ERBB4: variants seen among roughly 807,000 people sequenced by gnomAD.
The protein encoded by ERBB4 is erb-b2 receptor tyrosine kinase 4, also known as receptor tyrosine-protein kinase erbB-4.
A neutral mutation model predicts 158.0 loss-of-function variants in ERBB4; 42 were observed. The ratio of observed to expected loss-of-function variants is 0.27; its 90% CI spans 0.21 to 0.34. The LOEUF is 0.34. Ranked by LOEUF, ERBB4 falls within the 10% of genes least tolerant of loss-of-function variation. ERBB4 has a pLI of 1.00. For synonymous variants in ERBB4, 583 were observed against 558.7 expected, an observed-to-expected ratio of 1.04 and a Z score of -0.61; for missense variants, 1,333 against 1,624.1, an observed-to-expected ratio of 0.82 and a Z score of 3.08.
At chr2:211,467,303 T>C (rs747765872) in intron 20 of ERBB4, among the ~76,000 whole-genome samples, 7 of 152,154 alleles carry the variant, frequency 4.6e-5, no homozygotes, top group Admixed American at 2.0e-4. Flanking sequence ...CACCCATCAG[T>C]TTCTTTATCT....
At chr2:211,688,942 T>C (rs1356267924) in intron 12 of ERBB4, among the ~76,000 whole-genome samples, 1 of 152,130 alleles carries the variant, frequency 6.6e-6, no homozygotes, top group Non-Finnish European at 1.5e-5. Flanking sequence ...TTTACTTAAT[T>C]GTGGTTTTCT....
Position 211,381,921 on chromosome 2 carries a change from T to C in ERBB4, c.*1694A>G. The C allele has an allele frequency of 4.4e-6, 1 of 229,704 alleles. No homozygotes were observed. The highest frequency in any genetic ancestry group is 8.6e-6 in the Non-Finnish European group (1 of 115,860). 14.2% of individuals were successfully genotyped at this position (229,704 alleles called of 1,614,324 possible). ...TCCTAATTATTGATGTGAGGCCCCC[T>C]TTACTTGGAGACTCATCTCTGTCAT... On this transcript the variant is annotated 3_prime_UTR_variant, in exon 28 of 28. Transcript: ENST00000342788.
At chr2:212,008,455 A>T (rs2076305831) in intron 2 of ERBB4, among the ~76,000 whole-genome samples, 1 of 152,098 alleles carries the variant, frequency 6.6e-6, no homozygotes, top group South Asian at 2.1e-4. Context: ...TATGTTTCTC[A>T]CCCTTGATGA....
At chr2:212,518,737 A>G (rs1342118067) in intron 1 of ERBB4, among the ~76,000 whole-genome samples, 2 of 152,032 alleles carry the variant, frequency 1.3e-5, no homozygotes, top group African/African-American at 2.4e-5. Flanking sequence ...GAGTTAAAAT[A>G]CAGGAACGGG....
At chr2:211,648,106 G>T (rs73988630) in intron 16 of ERBB4, among the ~76,000 whole-genome samples, 3,489 of 151,888 alleles carry the variant, frequency 0.023, 154 homozygotes, top group African/African-American at 0.08. Context: ...ATATTTATTT[G>T]CCTATGCAAA....
chr2:212,127,388 C>T (rs4672639), intron 1 of ERBB4, among the ~76,000 whole-genome samples: 7 of 151,910 alleles, frequency 4.6e-5, no homozygotes, highest in Non-Finnish European at 5.9e-5. Context: ...GTCAGGAGAT[C>T]GAGACCATCC....
chr2:212,409,251 T>A (rs915041537), intron 1 of ERBB4, among the ~76,000 whole-genome samples: 7 of 152,154 alleles, frequency 4.6e-5, no homozygotes, highest in Non-Finnish European at 8.8e-5. Flanking sequence ...CTTCTCTACC[T>A]ACTTGTCCAT....
intron 2 of ERBB4, among the ~76,000 whole-genome samples, chr2:212,060,235 A>T (rs2077717656): frequency 6.6e-6 from 1 of 152,314 alleles, no homozygotes; most frequent in South Asian, 2.1e-4. Flanking sequence ...GCCATCAGAG[A>T]AATGCAAATC....
intron 5 of ERBB4, among the ~76,000 whole-genome samples, chr2:211,742,870 T>C (rs567977651): frequency 6.6e-6 from 1 of 152,098 alleles, no homozygotes; most frequent in African/African-American, 2.4e-5. Flanking sequence ...ATTATTCTAT[T>C]TTTAATTAAA....
intron 1 of ERBB4, among the ~76,000 whole-genome samples, chr2:212,135,018 A>C (rs1169777635): frequency 6.6e-6 from 1 of 152,146 alleles, no homozygotes; most frequent in Non-Finnish European, 1.5e-5. Flanking sequence ...CCTTGAGCCT[A>C]ATGAAAAGAA....
intron 2 of ERBB4, among the ~76,000 whole-genome samples, chr2:212,095,570 T>C (rs1325486477): frequency 2.0e-5 from 3 of 152,214 alleles, no homozygotes; most frequent in African/African-American, 2.4e-5. Context: ...GTGACTCGAT[T>C]GCTAATGAAG....
Position 211,998,833 on chromosome 2 carries a change from T to C in ERBB4, c.235-51217A>G, listed in dbSNP as rs576826508. Among the ~76,000 whole-genome samples the C allele has an allele frequency of 7.2e-5, 11 of 151,942 alleles. No homozygotes were observed. The East Asian group carries it at 1.7e-3, about 24-fold the overall frequency. On this transcript the variant is annotated intron_variant, in intron 2 of 27. Coordinates refer to ENST00000342788, the MANE Select transcript of ERBB4 (RefSeq NM_005235.3). The stretch of plus-strand genomic sequence containing the variant: ...TATAATTATATTACTTATTATACTG[T>C]GATGCATTACAGAATATTTTTACTA...
chr2:212,526,453 T>TA (rs1203477847), intron 1 of ERBB4, among the ~76,000 whole-genome samples: 2 of 152,092 alleles, frequency 1.3e-5, no homozygotes, highest in African/African-American at 4.8e-5. Context: ...AAAGGGCCAC[T>TA]AAAGAATTAT....
At chr2:211,724,922 T>C (rs2074218602) in intron 6 of ERBB4, among the ~76,000 whole-genome samples, 154 bp downstream of exon 6, 1 of 152,176 alleles carries the variant, frequency 6.6e-6, no homozygotes, top group African/African-American at 2.4e-5. Flanking sequence ...GACAACCTAG[T>C]GAGGGAATGA....
At chr2:211,932,866 C>T (rs1243470829) in intron 3 of ERBB4, among the ~76,000 whole-genome samples, 1 of 151,866 alleles carries the variant, frequency 6.6e-6, no homozygotes, top group African/African-American at 2.4e-5. Flanking sequence ...ATGAAAATGG[C>T]TCCATAAACA....
intron 20 of ERBB4, among the ~76,000 whole-genome samples, chr2:211,458,176 T>C (rs1574526318): frequency 6.6e-6 from 1 of 152,252 alleles, no homozygotes; most frequent in East Asian, 1.9e-4. Context: ...GTCACAACAC[T>C]TGCCCAGCAA....
chr2:212,199,495 TC>T (rs575359851), intron 1 of ERBB4, among the ~76,000 whole-genome samples: 218 of 152,310 alleles, frequency 1.4e-3, no homozygotes, highest in Admixed American at 6.4e-3. Context: ...CTTTGAAGTC[TC>T]CACAACTTAC....
At chr2:211,985,695 T>TATAAAA (rs1341807534) in intron 2 of ERBB4, among the ~76,000 whole-genome samples, 1 of 151,776 alleles carries the variant, frequency 6.6e-6, no homozygotes, top group East Asian at 1.9e-4. Flanking sequence ...ATAAAATAAT[T>TATAAAA]TATTATTTTG....
At chr2:212,001,584 C>T (rs1431649563) in intron 2 of ERBB4, among the ~76,000 whole-genome samples, 4 of 152,202 alleles carry the variant, frequency 2.6e-5, no homozygotes, top group African/African-American at 9.6e-5. Context: ...TCCTTAACAG[C>T]TCATTACCAC....
Sources: gnomAD v4.1 joint callset for allele counts (sites outside exome capture counted in the v4.1 genomes callset) on GRCh38, gnomAD v4.1.1 for gene constraint, MANE v1.5 for transcripts, NCBI Gene and HGNC (gene_info 2026-07-23, HGNC 2026-07-21) for gene names.